RNF19A: variants seen among roughly 807,000 people sequenced by gnomAD.
RNF19A encodes ring finger protein 19A, RBR E3 ubiquitin protein ligase, also known as E3 ubiquitin-protein ligase RNF19A.
Under a neutral mutation model 75.7 loss-of-function variants are expected in RNF19A, and 32 were observed. The ratio of observed to expected loss-of-function variants is 0.42; its 90% confidence interval spans 0.32 to 0.57. RNF19A has a LOEUF of 0.57. Ranked by LOEUF, RNF19A falls within the 20% of genes least tolerant of loss-of-function variation. RNF19A has a pLI of 0.10. For missense variants in RNF19A, 782 were observed against 1,036.3 expected (o/e 0.75, Z 3.37); for synonymous variants, 335 against 345.2 (o/e 0.97, Z 0.33).
At chr8:100,285,178 A>G (rs1170386880) in intron 2 of RNF19A, among the ~76,000 whole-genome samples, 1 of 152,208 alleles carries the variant, frequency 6.6e-6, no homozygotes, top group Non-Finnish European at 1.5e-5. Context: ...TCTCAGTTGT[A>G]GAATAAATGT....
Position 100,264,090 on chromosome 8 carries a change from C to T in RNF19A, c.1412G>A (p.Arg471Lys), listed in dbSNP as rs763440155. ...ATCATTTTCATCATCAAATTCAATC[C>T]TAACTCCTTTTCCATTGCCTGCTGA... The part of the protein sequence containing the change: ...GVSAGNGKGV[R>K]IEFDDENDIN... The change falls in exon 7 of 10, where the codon AGG (arginine) becomes AAG (lysine). Residue 471 changes from arginine to lysine, a missense_variant. Transcript: ENST00000341084. This position sits in a 1 kb window ranked among gnomAD's most constrained non-coding sequence, Gnocchi z 4.7. 2 of 1,613,774 alleles carry T rather than the reference C, an allele frequency of 1.2e-6. No individual in the cohort carries two copies. Among genetic ancestry groups the T allele is most frequent in the South Asian group, 1.1e-5 (1 of 91,058 alleles).
At chr8:100,278,390 A>G (rs1820623989) in intron 2 of RNF19A, among the ~76,000 whole-genome samples, 1 of 152,234 alleles carries the variant, frequency 6.6e-6, no homozygotes, top group Admixed American at 6.5e-5. Context: ...TAGACATAAC[A>G]ATAGAAATCT....
Position 100,259,862 on chromosome 8 carries a change from T to A in RNF19A, c.1818A>T (p.Pro606=), listed in dbSNP as rs759483968. Residue 606 remains proline (P), a synonymous_variant, in exon 9 of 10, where the codon CCA becomes CCT. Transcript: ENST00000341084. The surrounding 1 kb of genome is among the most constrained non-coding windows in gnomAD (Gnocchi z 4.5). ...AACAGTTTTTTCCTTACTTGTCCAA[T>A]GGGATGTAGGAATTCAGAATGGATC... ...MAGSILNSYI[P]LDKEGNSMEV... 1 of 1,610,614 alleles carries A rather than the reference T, an allele frequency of 6.2e-7. No individual in the cohort carries two copies. Among genetic ancestry groups the A allele is most frequent in the Non-Finnish European group, 8.5e-7 (1 of 1,178,852 alleles).
In RNF19A at chr8:100,323,303, T is replaced by A. The variant is rs1822486533; in HGVS notation, c.-242-9931A>T. Among the ~76,000 whole-genome samples, 1 of 152,244 alleles carries A rather than the reference T, an allele frequency of 6.6e-6. No homozygotes were observed. The highest frequency in any genetic ancestry group is 1.5e-5 in the Non-Finnish European group (1 of 68,046). On this transcript the variant is annotated intron_variant, in intron 1 of 3. Transcript: ENST00000519527. The surrounding 1 kb of genome is among the most constrained non-coding windows in gnomAD (Gnocchi z 4.6). ...TTTATTCTTCTCTGTAATATCATTT[T>A]TGGAAGTTTTATCTGAATATTTTCC...
Position 100,328,987 on chromosome 8 carries a change from C to T in RNF19A, c.-243+7121G>A, listed in dbSNP as rs1229365190. Among the ~76,000 whole-genome samples the T allele has an allele frequency of 2.0e-5, 3 of 152,174 alleles. No homozygotes were observed. In the East Asian group the frequency reaches 5.8e-4, roughly 29 times the overall value. ...TGGATCTAGGAATCTGGGTCTTGCGCAGGTTTATCAGTTTGGCTACATGGT... is the reference window on the plus strand; with the variant it reads ...TGGATCTAGGAATCTGGGTCTTGCGTAGGTTTATCAGTTTGGCTACATGGT... On this transcript the variant is annotated intron_variant, in intron 1 of 3. Transcript: ENST00000519527.
At chr8:100,262,303 G>C (rs1006731746) in intron 7 of RNF19A, among the ~76,000 whole-genome samples, 3 of 152,128 alleles carry the variant, frequency 2.0e-5, no homozygotes, top group Admixed American at 6.5e-5. Flanking sequence ...GGGGAGGAGA[G>C]TGATGAAAAG....
intron 1 of RNF19A, among the ~76,000 whole-genome samples, chr8:100,319,312 C>T (rs78944033): frequency 1.5e-3 from 107 of 71,962 alleles, no homozygotes; most frequent in South Asian, 8.0e-3. Context: ...AAGTTTTTTT[C>T]TTTTTTAACA....
At chr8:100,296,998 C>G (rs1454510097) in intron 1 of RNF19A, among the ~76,000 whole-genome samples, 1 of 152,130 alleles carries the variant, frequency 6.6e-6, no homozygotes, top group Non-Finnish European at 1.5e-5. Flanking sequence ...ATCATACAAA[C>G]AAAGGTTAAT....
chr8:100,309,903 G>C lies in RNF19A; in HGVS notation c.-130C>G, dbSNP rs1427706650. ...CAGAGCGGCGGCAGCGCAGGGTGGC[G>C]GGCGAGTAGGCCCATCTCCCAGCAG... is the stretch of plus-strand genomic sequence containing the variant. On this transcript the variant is annotated 5_prime_UTR_variant, in exon 1 of 10. Coordinates refer to ENST00000341084, the MANE Select transcript of RNF19A (RefSeq NM_183419.4). 9 of 985,648 alleles carry C rather than the reference G, an allele frequency of 9.1e-6. No homozygotes were observed. Among genetic ancestry groups the C allele is most frequent in the African/African-American group, 7.0e-5 (4 of 57,266 alleles). The allele number at this position is 985,648 out of a possible 1,614,324, so 61.1% of individuals were successfully genotyped here.
In RNF19A at chr8:100,285,740, T is replaced by C. The variant is rs376918012; in HGVS notation, c.674+1761A>G. Among the ~76,000 whole-genome samples, 237 of 152,048 alleles carry C rather than the reference T, an allele frequency of 1.6e-3. 2 individuals carry two copies. The highest frequency in any genetic ancestry group is 5.4e-3 in the African/African-American group (222 of 41,494). On this transcript the variant is annotated intron_variant, in intron 2 of 9. Coordinates refer to ENST00000341084, the MANE Select transcript of RNF19A (RefSeq NM_183419.4). ...CTCGACCTCATGGGTTCAAGTTACC[T>C]TCCCGTCTTGGCCTCTCAAAGTGCT... is the stretch of plus-strand genomic sequence containing the variant.
At chr8:100,292,639 T>C (rs919516536) in intron 1 of RNF19A, among the ~76,000 whole-genome samples, 3 of 152,166 alleles carry the variant, frequency 2.0e-5, no homozygotes, top group Non-Finnish European at 4.4e-5. Flanking sequence ...TGTTTTCTAC[T>C]GGTAATTTGA....
In RNF19A at chr8:100,259,066, T is replaced by C. The variant is rs747889244; in HGVS notation, c.2007A>G (p.Ala669=). Residue 669 remains alanine, a synonymous_variant, in exon 10 of 10, where the codon GCA becomes GCG. Transcript: ENST00000341084. This position sits in a 1 kb window ranked among gnomAD's most constrained non-coding sequence, Gnocchi z 4.5. ...SATKWSKEAT[A]GKKSKSGKLR... ...GTTTACCACTTTTTGATTTTTTCCC[T>C]GCTGTTGCTTCTTTGGACCACTTGG... 13 of 1,614,098 alleles carry C rather than the reference T, an allele frequency of 8.1e-6. No homozygotes were observed. Among genetic ancestry groups the C allele is most frequent in the Middle Eastern group, 3.3e-4 (2 of 6,084 alleles).
intron 1 of RNF19A, among the ~76,000 whole-genome samples, chr8:100,305,682 C>T (rs777718949): frequency 3.3e-5 from 5 of 152,124 alleles, no homozygotes; most frequent in South Asian, 2.1e-4. Context: ...AATACTTATT[C>T]GACATCTTTT....
intron 1 of RNF19A, among the ~76,000 whole-genome samples, chr8:100,335,802 C>T (rs1429744834): frequency 6.6e-6 from 1 of 152,208 alleles, no homozygotes; most frequent in Non-Finnish European, 1.5e-5. Flanking sequence ...AACTGCTCTG[C>T]CCACAGTCCC....
At chr8:100,316,824 G>A (rs1822385643) in intron 1 of RNF19A, among the ~76,000 whole-genome samples, 1 of 152,156 alleles carries the variant, frequency 6.6e-6, no homozygotes. Flanking sequence ...TGGAGCAGGG[G>A]GTGGTGCTCC....
rs1181575848 is a variant in RNF19A at position 100,280,645 on chromosome 8, TAGAGC to T, written c.675-5489_675-5485del. Among the ~76,000 whole-genome samples, 3 of 152,230 alleles carry T rather than the reference TAGAGC, an allele frequency of 2.0e-5. No homozygotes were observed. The East Asian group carries it at 5.8e-4, about 29-fold the overall frequency. On this transcript the variant is annotated intron_variant, in intron 2 of 9. Transcript: ENST00000341084. ...AAATGTATAATCTGACAACAAAAGT[TAGAGC>T]AGTTTGTCTAGTAGTTTTTTCTCAC...
In RNF19A at chr8:100,298,851, C is replaced by T. The variant is rs1330319991; in HGVS notation, c.-93-10584G>A. 2.6e-5 allele frequency among the ~76,000 whole-genome samples: 4 copies of T among 152,288 alleles called. No homozygotes were observed. In the East Asian group the frequency reaches 5.8e-4, roughly 22 times the overall value. On this transcript the variant is annotated intron_variant, in intron 1 of 9. Coordinates refer to ENST00000341084, the MANE Select transcript of RNF19A (RefSeq NM_183419.4). ...TAAAAAACATTTTGGTTAGCTTATT[C>T]CAGGCCCTCTTCGACAAGAAGCACA...
chr8:100,264,232 C>T lies in RNF19A; in HGVS notation c.1307-37G>A, dbSNP rs577816049. 2 of 1,530,328 alleles carry T rather than the reference C, an allele frequency of 1.3e-6. 1 individual carries two copies. Among genetic ancestry groups the T allele is most frequent in the Admixed American group, 3.7e-5 (2 of 54,402 alleles). The allele number at this position is 1,530,328 out of a possible 1,614,324, so 94.8% of individuals were successfully genotyped here. A position where few individuals can be genotyped will look rare whatever the true frequency, so the allele number is the denominator to read the frequency against. ...TTAAATCAGTCATTACAAACAACAACAACAAAATAACTCACAGAAACATGA... is the reference window on the plus strand; with the variant it reads ...TTAAATCAGTCATTACAAACAACAATAACAAAATAACTCACAGAAACATGA... On this transcript the variant is annotated intron_variant, in intron 6 of 9. Transcript: ENST00000341084. The surrounding 1 kb of genome is among the most constrained non-coding windows in gnomAD (Gnocchi z 4.7).
intron 1 of RNF19A, among the ~76,000 whole-genome samples, chr8:100,300,121 T>C (rs1821756376): frequency 6.6e-6 from 1 of 152,174 alleles, no homozygotes; most frequent in Non-Finnish European, 1.5e-5. Context: ...AGAGGCACAA[T>C]AAGCAAAATG....
Sources: gnomAD v4.1 joint callset for allele counts (sites outside exome capture counted in the v4.1 genomes callset) on GRCh38, gnomAD v4.1.1 for gene constraint, Gnocchi (gnomAD v3.1) non-coding constraint, MANE v1.5 for transcripts, NCBI Gene and HGNC (gene_info 2026-07-23, HGNC 2026-07-21) for gene names.